Variants in EPC2 observed in about 807,000 individuals in gnomAD.
The protein encoded by EPC2 is enhancer of polycomb 2, also known as enhancer of polycomb homolog 2.
Under a neutral mutation model 92.1 loss-of-function variants are expected in EPC2, and 14 were observed. That is an observed-to-expected ratio of 0.15 (90% confidence interval 0.10 to 0.24). EPC2 has a LOEUF of 0.24. EPC2 is among the 10% of genes least tolerant of loss of function. The pLI is 1.00. For missense variants in EPC2, 755 were observed against 971.5 expected (o/e 0.78, Z 2.96); for synonymous variants, 340 against 334.7 (o/e 1.02, Z -0.17).
At chr2:148,692,781 G>A (rs948154932) in intron 2 of EPC2, 4 of 152,004 alleles carry the variant, frequency 2.6e-5, no homozygotes, top group Admixed American at 6.6e-5. Context: ...ACTAAAAATC[G>A]GGTGTAACTC....
At chr2:148,681,299 C>T (rs914477552) in intron 1 of EPC2, among the ~76,000 whole-genome samples, 1 of 151,738 alleles carries the variant, frequency 6.6e-6, no homozygotes, top group South Asian at 2.1e-4. Flanking sequence ...TCACTGAAGA[C>T]GTGACATTTT....
At position 148,718,323 on chromosome 2, in the gene EPC2, C is replaced by T. The variant is rs547282612; in HGVS notation, c.314-25299C>T. Among the ~76,000 whole-genome samples the T allele has an allele frequency of 7.2e-5, 11 of 152,242 alleles. No homozygotes were observed. In the South Asian group the frequency reaches 2.1e-3, roughly 29 times the overall value. ...TTTTGCAGACTTGTTTATGTGCTTG[C>T]TTCATAGGGACTGATCTGTGTACTT... On this transcript the variant is annotated intron_variant, in intron 2 of 13. Coordinates refer to ENST00000258484, the MANE Select transcript of EPC2 (RefSeq NM_015630.4).
chr2:148,748,860 G>A (rs181869479), intron 3 of EPC2, among the ~76,000 whole-genome samples: 1 of 152,040 alleles, frequency 6.6e-6, no homozygotes, highest in African/African-American at 2.4e-5. Flanking sequence ...GATTAGAGCT[G>A]CTCAACCTGT....
intron 2 of EPC2, among the ~76,000 whole-genome samples, chr2:148,694,167 C>T (rs1197733306): frequency 1.3e-5 from 2 of 152,066 alleles, no homozygotes; most frequent in Non-Finnish European, 2.9e-5. Flanking sequence ...AAATATAAGG[C>T]TAAAATTATT....
intron 1 of EPC2, among the ~76,000 whole-genome samples, chr2:148,674,205 G>A (rs1681210608): frequency 6.6e-6 from 1 of 152,142 alleles, no homozygotes; most frequent in South Asian, 2.1e-4. Context: ...CCCAATTAGA[G>A]AGGTTTGCTA....
At chr2:148,730,895 T>C (rs1682606152) in intron 2 of EPC2, among the ~76,000 whole-genome samples, 1 of 152,362 alleles carries the variant, frequency 6.6e-6, no homozygotes, top group Middle Eastern at 3.4e-3. Flanking sequence ...CTACGTTTTA[T>C]ATTTGTGCAT....
intron 2 of EPC2, among the ~76,000 whole-genome samples, chr2:148,721,040 A>G (rs952287772): frequency 1.5e-4 from 23 of 152,098 alleles, no homozygotes; most frequent in Admixed American, 1.2e-3. Flanking sequence ...TATTGTTCCT[A>G]TTATTGTTTT....
At chr2:148,723,153 T>G (rs1042764780) in intron 2 of EPC2, among the ~76,000 whole-genome samples, 19 of 152,254 alleles carry the variant, frequency 1.2e-4, no homozygotes, top group African/African-American at 4.6e-4. Context: ...ACCTACACAT[T>G]GAGGCCCTGA....
At chr2:148,726,755 TTTGTTTTTTG>T (rs1201453520) in intron 2 of EPC2, among the ~76,000 whole-genome samples, 1 of 131,380 alleles carries the variant, frequency 7.6e-6, no homozygotes, top group African/African-American at 2.6e-5. Context: ...TTTTTTTTGT[TTTGTTTTTTG>T]TTTTTTTTTT....
At chr2:148,651,876 T>C (rs115250115) in intron 1 of EPC2, among the ~76,000 whole-genome samples, 3,809 of 152,190 alleles carry the variant, frequency 0.025, 57 homozygotes, top group East Asian at 0.032. Flanking sequence ...ACTTTAGAAA[T>C]TAAGTAACTC....
chr2:148,685,056 C>A (rs1339777155), intron 1 of EPC2, among the ~76,000 whole-genome samples: 1 of 152,032 alleles, frequency 6.6e-6, no homozygotes, highest in Non-Finnish European at 1.5e-5. Flanking sequence ...CTATTTATAT[C>A]TTTTACCCAT....
chr2:148,645,280 C>T lies in EPC2; in HGVS notation c.153+110C>T, dbSNP rs560077530. 38 of 986,004 alleles carry T rather than the reference C, an allele frequency of 3.9e-5. No homozygotes were observed. In the East Asian group the frequency reaches 7.0e-4, roughly 18 times the overall value. 61.1% of individuals were successfully genotyped at this position (986,004 alleles called of 1,614,324 possible). A position where few individuals can be genotyped will look rare whatever the true frequency, so the allele number is the denominator to read the frequency against. ...TACGCTCGCTGGAGGGCGCCGCTGC[C>T]GCTCTAACGCACGGGACTCTACGCC... is the stretch of plus-strand genomic sequence containing the variant. On this transcript the variant is annotated intron_variant, in intron 1 of 13. Transcript: ENST00000258484.
At chr2:148,677,528 T>G (rs1336243469) in intron 1 of EPC2, among the ~76,000 whole-genome samples, 1 of 152,118 alleles carries the variant, frequency 6.6e-6, no homozygotes, top group East Asian at 1.9e-4. Flanking sequence ...TTTTAAAAAT[T>G]ATCTAGGTTT....
At chr2:148,676,129 T>TG (rs905289226) in intron 1 of EPC2, among the ~76,000 whole-genome samples, 5 of 140,698 alleles carry the variant, frequency 3.6e-5, no homozygotes, top group Admixed American at 3.4e-4. Flanking sequence ...ATTACTTAGT[T>TG]TTTTTTTTTT....
At chr2:148,701,163 A>G (rs556353301) in intron 2 of EPC2, among the ~76,000 whole-genome samples, 1 of 152,308 alleles carries the variant, frequency 6.6e-6, no homozygotes, top group East Asian at 1.9e-4. Flanking sequence ...GGATATTTTT[A>G]GTCAATTCTT....
chr2:148,658,824 T>A (rs911326229), intron 1 of EPC2, among the ~76,000 whole-genome samples: 7 of 146,990 alleles, frequency 4.8e-5, no homozygotes, highest in Middle Eastern at 3.5e-3. Context: ...ACTATATATG[T>A]ATGTTATATA....
At chr2:148,647,607 G>A (rs1169275980) in intron 1 of EPC2, among the ~76,000 whole-genome samples, 1 of 144,210 alleles carries the variant, frequency 6.9e-6, no homozygotes, top group Non-Finnish European at 1.5e-5. Flanking sequence ...GCGCCTGGCC[G>A]CGCCTTGCAG....
chr2:148,663,355 A>T (rs1343213050), intron 1 of EPC2, among the ~76,000 whole-genome samples: 1 of 150,810 alleles, frequency 6.6e-6, no homozygotes, highest in Non-Finnish European at 1.5e-5. Context: ...AGTAGCTGGG[A>T]CCATAGGTGC....
At chr2:148,693,847 C>T (rs1177328631) in intron 2 of EPC2, among the ~76,000 whole-genome samples, 4 of 152,146 alleles carry the variant, frequency 2.6e-5, no homozygotes, top group Admixed American at 6.5e-5. Flanking sequence ...CTTTTTCTGA[C>T]GTCTCTCAGC....
Sources: allele counts gnomAD v4.1 joint callset (sites outside exome capture counted in the v4.1 genomes callset), GRCh38; gene constraint gnomAD v4.1.1; transcripts MANE v1.5; gene names NCBI Gene and HGNC (gene_info 2026-07-23, HGNC 2026-07-21).